Variants in B3GALT1 observed in about 807,000 individuals in gnomAD.
B3GALT1 encodes the protein beta-1,3-galactosyltransferase 1.
B3GALT1 carries 10 observed loss-of-function variants against 23.2 expected under a neutral mutation model. That is an observed-to-expected ratio of 0.43 (90% confidence interval 0.27 to 0.73). The LOEUF is 0.73. Among genes scored for constraint, B3GALT1 ranks in the 30% least tolerant of loss-of-function variants. The pLI is 0.21. For missense variants in B3GALT1, 299 were observed against 405.4 expected, an observed-to-expected ratio of 0.74 and a Z score of 2.25; for synonymous variants, 156 against 141.5, an observed-to-expected ratio of 1.10 and a Z score of -0.73.
intron 3 of B3GALT1, among the ~76,000 whole-genome samples, chr2:167,771,378 T>G (rs979448887): frequency 6.6e-6 from 1 of 151,984 alleles, no homozygotes; most frequent in African/African-American, 2.4e-5. Context: ...TCACTTGAGG[T>G]CAACAGTTTG....
intron 2 of B3GALT1, among the ~76,000 whole-genome samples, chr2:167,527,194 T>C (rs1337442192): frequency 3.3e-5 from 5 of 152,094 alleles, no homozygotes; most frequent in Non-Finnish European, 5.9e-5. Context: ...CAGTTAATGA[T>C]GTGAAAGATT....
intron 1 of B3GALT1, among the ~76,000 whole-genome samples, chr2:167,404,792 A>G (rs1368776104): frequency 6.6e-6 from 1 of 152,170 alleles, no homozygotes; most frequent in African/African-American, 2.4e-5. Context: ...ATGAAAATGA[A>G]TGAATGCCTC....
At chr2:167,455,219 T>G (rs1438136761) in intron 1 of B3GALT1, among the ~76,000 whole-genome samples, 1 of 152,218 alleles carries the variant, frequency 6.6e-6, no homozygotes, top group Non-Finnish European at 1.5e-5. Context: ...CTTTATGGAA[T>G]GATGACATTT....
chr2:167,471,199 C>T (rs1188784753), intron 1 of B3GALT1, among the ~76,000 whole-genome samples: 1 of 151,956 alleles, frequency 6.6e-6, no homozygotes, highest in Non-Finnish European at 1.5e-5. Context: ...TAAACAAGAC[C>T]CGTGAATTAA....
chr2:167,751,196 T>C (rs1449524484), intron 3 of B3GALT1, among the ~76,000 whole-genome samples: 1 of 152,238 alleles, frequency 6.6e-6, no homozygotes, highest in Non-Finnish European at 1.5e-5. Flanking sequence ...TTTGGCACAT[T>C]ACTAAAGAAA....
At chr2:167,375,694 C>T (rs1022121599) in intron 1 of B3GALT1, among the ~76,000 whole-genome samples, 1 of 152,012 alleles carries the variant, frequency 6.6e-6, no homozygotes. Flanking sequence ...ATTTTTGTAT[C>T]CTGAAACCTT....
intron 1 of B3GALT1, among the ~76,000 whole-genome samples, chr2:167,373,558 AG>A (rs2105271236): frequency 6.6e-6 from 1 of 152,316 alleles, no homozygotes; most frequent in African/African-American, 2.4e-5. Context: ...AATAAAAAAG[AG>A]GTAGAGCAAA....
At chr2:167,863,974 G>GTGCA (rs1259708479) in intron 4 of B3GALT1, among the ~76,000 whole-genome samples, 2 of 147,638 alleles carry the variant, frequency 1.4e-5, no homozygotes, top group African/African-American at 2.5e-5. Context: ...GTGATTCTGT[G>GTGCA]TGCATGCATG....
rs767733652 is a variant in B3GALT1 at position 167,606,751 on chromosome 2, A to G, written c.-409-40158A>G. Among the ~76,000 whole-genome samples the G allele has an allele frequency of 8.5e-5, 13 of 152,350 alleles. No homozygotes were observed. In the East Asian group the frequency reaches 1.2e-3, roughly 14 times the overall value. ...TCATGAATAGGAACTTCTATGCTCT[A>G]TTGAAAGTAAGACAAATAAAAATGT... On this transcript the variant is annotated intron_variant, in intron 2 of 4. Transcript: ENST00000392690.
chr2:167,531,357 C>T (rs777604059), intron 2 of B3GALT1, among the ~76,000 whole-genome samples: 2 of 151,998 alleles, frequency 1.3e-5, no homozygotes, highest in African/African-American at 4.8e-5. Context: ...AAATGAAGGA[C>T]GGGACTTCTT....
chr2:167,663,989 G>T (rs1028671219), intron 3 of B3GALT1, among the ~76,000 whole-genome samples: 12 of 151,026 alleles, frequency 7.9e-5, no homozygotes, highest in South Asian at 2.1e-4. Flanking sequence ...GTCAATTTTG[G>T]CTTTTGTTGC....
At chr2:167,529,899 C>G (rs1454358034) in intron 2 of B3GALT1, among the ~76,000 whole-genome samples, 1 of 152,126 alleles carries the variant, frequency 6.6e-6, no homozygotes, top group East Asian at 1.9e-4. Flanking sequence ...GCAGCCAAAG[C>G]AGTTTTTTTA....
intron 1 of B3GALT1, among the ~76,000 whole-genome samples, chr2:167,325,837 C>T (rs984838351): frequency 4.0e-5 from 6 of 151,626 alleles, no homozygotes; most frequent in Non-Finnish European, 8.8e-5. Context: ...CCTGCATCAG[C>T]CTCCTGAGTA....
chr2:167,337,002 AG>A (rs1475303535), intron 1 of B3GALT1, among the ~76,000 whole-genome samples: 4 of 152,102 alleles, frequency 2.6e-5, no homozygotes, highest in Non-Finnish European at 5.9e-5. Context: ...CAGCTGTCCG[AG>A]GATTACATGC....
chr2:167,686,778 G>A (rs1206907409), intron 3 of B3GALT1, among the ~76,000 whole-genome samples: 4 of 152,116 alleles, frequency 2.6e-5, no homozygotes, highest in Non-Finnish European at 4.4e-5. Flanking sequence ...AAGGCTCCAA[G>A]AGAAGAGGAG....
chr2:167,378,218 C>T (rs899616667), intron 1 of B3GALT1, among the ~76,000 whole-genome samples: 26 of 152,086 alleles, frequency 1.7e-4, no homozygotes, highest in Admixed American at 1.1e-3. Context: ...TTCCCTTAGT[C>T]TGTGATGTGC....
At chr2:167,687,469 T>C (rs930715257) in intron 3 of B3GALT1, among the ~76,000 whole-genome samples, 4 of 152,158 alleles carry the variant, frequency 2.6e-5, no homozygotes, top group African/African-American at 9.6e-5. Flanking sequence ...TTTTTGTTGC[T>C]ACTTTAAATA....
At chr2:167,777,098 T>C (rs1688174354) in intron 3 of B3GALT1, among the ~76,000 whole-genome samples, 1 of 152,222 alleles carries the variant, frequency 6.6e-6, no homozygotes. Context: ...TCTCTAATTT[T>C]TCTAAGTATC....
chr2:167,491,344 G>A (rs1027703865), intron 2 of B3GALT1, among the ~76,000 whole-genome samples: 3 of 152,184 alleles, frequency 2.0e-5, no homozygotes, highest in Admixed American at 2.0e-4. Context: ...GGAATAAGAA[G>A]TAACAACTGC....
Sources: allele counts gnomAD v4.1 joint callset (sites outside exome capture counted in the v4.1 genomes callset), GRCh38; gene constraint gnomAD v4.1.1; transcripts MANE v1.5; gene names NCBI Gene and HGNC (gene_info 2026-07-23, HGNC 2026-07-21).